Variants in XIRP2 observed in about 807,000 individuals in gnomAD.
The protein encoded by XIRP2 is xin actin binding repeat containing 2, also known as xin actin-binding repeat-containing protein 2.
A neutral mutation model predicts 277.0 loss-of-function variants in XIRP2; 236 were observed. The ratio of observed to expected loss-of-function variants is 0.85; its 90% CI spans 0.77 to 0.95. The LOEUF (loss-of-function observed/expected upper bound fraction) is 0.95. Ranked by LOEUF, XIRP2 falls within the 40% of genes least tolerant of loss-of-function variation. The probability of loss-of-function intolerance (pLI) is 0.00; values close to 1 mark genes in which losing one functional copy is unlikely to be tolerated. For synonymous variants in XIRP2, 1,490 were observed against 1,416.5 expected (o/e 1.05, Z -1.17); for missense variants, 4,640 against 4,157.5 (o/e 1.12, Z -3.19).
At position 167,244,003 on chromosome 2, in the gene XIRP2, G is replaced by T. The variant is rs934658445; in HGVS notation, c.2611G>T (p.Asp871Tyr). 26 of 1,613,900 alleles carry T rather than the reference G, an allele frequency of 1.6e-5. No individual in the cohort carries two copies. Among genetic ancestry groups the T allele is most frequent in the Admixed American group, 3.3e-5 (2 of 59,994 alleles). The change falls in exon 9 of 11, where the codon GAT (aspartate) becomes TAT (tyrosine). Residue 871 changes from aspartate (D) to tyrosine (Y), a missense_variant. Transcript: ENST00000409195. ...SLQREEIIGG[D>Y]VQTTKHLFET... is the part of the protein sequence containing the mutation. ...ACAACGTGAGGAGATAATAGGTGGTGATGTACAAACTACTAAGCATCTATT... is the reference window on the plus strand; with the variant it reads ...ACAACGTGAGGAGATAATAGGTGGTTATGTACAAACTACTAAGCATCTATT...
chr2:167,212,176 A>G (rs888948630), intron 4 of XIRP2, among the ~76,000 whole-genome samples: 4 of 152,242 alleles, frequency 2.6e-5, no homozygotes, highest in Non-Finnish European at 2.9e-5. Context: ...CAGAAGTGAC[A>G]TAAGTATCTA....
chr2:166,984,117 A>T (rs1686941023), intron 2 of XIRP2, among the ~76,000 whole-genome samples: 1 of 152,174 alleles, frequency 6.6e-6, no homozygotes, highest in African/African-American at 2.4e-5. Flanking sequence ...TACAATTCCC[A>T]TTCATTCATT....
At chr2:166,969,739 C>T (rs895986757) in intron 2 of XIRP2, among the ~76,000 whole-genome samples, 1 of 151,484 alleles carries the variant, frequency 6.6e-6, no homozygotes, top group East Asian at 1.9e-4. Context: ...TCATTATGCC[C>T]TTTCCTTTGG....
chr2:167,064,047 C>T (rs1389433382), intron 2 of XIRP2, among the ~76,000 whole-genome samples: 1 of 151,406 alleles, frequency 6.6e-6, no homozygotes, highest in African/African-American at 2.4e-5. Flanking sequence ...ATTTAAGATA[C>T]CTTTTATGTT....
chr2:167,253,951 A>T, intron 9 of XIRP2, 81 bp from the exon 10 acceptor site: 1 of 1,459,822 alleles, frequency 6.9e-7, no homozygotes, highest in South Asian at 1.4e-5. Flanking sequence ...TGGCCAGTTA[A>T]TATGTGTTTT....
chr2:167,019,711 C>T (rs116817869), intron 2 of XIRP2, among the ~76,000 whole-genome samples: 4,583 of 152,080 alleles, frequency 0.03, 80 homozygotes, highest in East Asian at 0.082. Context: ...TCAAGATTAA[C>T]TTAAAACATA....
At chr2:167,062,941 T>G (rs1008048474) in intron 2 of XIRP2, among the ~76,000 whole-genome samples, 2 of 151,986 alleles carry the variant, frequency 1.3e-5, no homozygotes, top group African/African-American at 4.8e-5. Context: ...TTTTTCATTT[T>G]ATTAATTTCT....
intron 3 of XIRP2, among the ~76,000 whole-genome samples, chr2:167,175,368 A>G (rs55844329): frequency 0.11 from 16,282 of 152,024 alleles, 1,827 homozygotes; most frequent in African/African-American, 0.29. Context: ...TCTGTTTGTT[A>G]GTTTTCCTTC....
At chr2:167,124,738 C>A (rs1382770326) in intron 2 of XIRP2, among the ~76,000 whole-genome samples, 2 of 152,082 alleles carry the variant, frequency 1.3e-5, no homozygotes, top group Admixed American at 1.3e-4. Context: ...GCTTCCTAAA[C>A]CAGGTGTCAC....
Position 167,254,063 on chromosome 2 carries a change from T to C in XIRP2, c.10587T>C (p.Tyr3529=), listed in dbSNP as rs897492869. The C allele has an allele frequency of 6.2e-7, 1 of 1,605,738 alleles. No individual in the cohort carries two copies. The highest frequency in any genetic ancestry group is 8.5e-7 in the Non-Finnish European group (1 of 1,175,824). The change falls in exon 10 of 11, where the codon TAT becomes TAC. Residue 3529 remains tyrosine, a synonymous_variant. Transcript: ENST00000409195. ...EAAAPRQGNM[Y]TLSKDSLSNG... ...CTGCTCCAAGACAAGGAAATATGTA[T>C]ACTTTGTCAAAAGACAGTTTATCCA...
At chr2:166,965,896 A>ATT (rs564484254) in intron 2 of XIRP2, among the ~76,000 whole-genome samples, 11 of 151,486 alleles carry the variant, frequency 7.3e-5, no homozygotes, top group African/African-American at 2.7e-4. Context: ...TCTAAGTTTG[A>ATT]TTTCTTTTTT....
intron 2 of XIRP2, among the ~76,000 whole-genome samples, chr2:167,125,566 T>C (rs1432174902): frequency 6.6e-6 from 1 of 152,164 alleles, no homozygotes; most frequent in Non-Finnish European, 1.5e-5. Flanking sequence ...GTTAAATCTG[T>C]TTAATAAAAA....
chr2:167,096,157 C>T (rs994330271), intron 2 of XIRP2, among the ~76,000 whole-genome samples: 9 of 151,736 alleles, frequency 5.9e-5, no homozygotes, highest in African/African-American at 1.7e-4. Context: ...GGTATAATTT[C>T]GCTGTGAATC....
intron 2 of XIRP2, among the ~76,000 whole-genome samples, chr2:166,923,802 G>C (rs1271982197): frequency 6.6e-6 from 1 of 152,140 alleles, no homozygotes; most frequent in East Asian, 1.9e-4. Context: ...TCTCCTGGGA[G>C]CATCTACATT....
intron 2 of XIRP2, among the ~76,000 whole-genome samples, chr2:166,937,537 G>T (rs1191174546): frequency 1.3e-5 from 2 of 152,158 alleles, no homozygotes; most frequent in Admixed American, 6.6e-5. Context: ...GTTCCTCAGG[G>T]ATATTGGTCT....
intron 2 of XIRP2, among the ~76,000 whole-genome samples, chr2:167,061,853 A>G (rs898919185): frequency 4.6e-5 from 7 of 152,048 alleles, no homozygotes; most frequent in South Asian, 2.1e-4. Flanking sequence ...GAGCCTGATG[A>G]CAACTTGTTT....
rs149757074 is a variant in XIRP2 at position 166,998,686 on chromosome 2, C to T, written c.408+94796C>T. 2.1e-3 allele frequency among the ~76,000 whole-genome samples: 322 copies of T among 152,214 alleles called. 4 individuals carry two copies. The highest frequency in any genetic ancestry group is 0.016 in the Admixed American group (241 of 15,274). On this transcript the variant is annotated intron_variant, in intron 2 of 10. Transcript: ENST00000409195. ...CAAAACTCAACTCAGAGTGAATGGTCATAACCTATGAAAAGAAAGATTAAG... is the reference window on the plus strand; with the variant it reads ...CAAAACTCAACTCAGAGTGAATGGTTATAACCTATGAAAAGAAAGATTAAG...
chr2:167,172,600 T>G (rs544347918), intron 3 of XIRP2, among the ~76,000 whole-genome samples: 508 of 152,310 alleles, frequency 3.3e-3, no homozygotes, highest in Non-Finnish European at 5.3e-3. Flanking sequence ...CTCAGGGCTG[T>G]TCCTTGCTGA....
At chr2:167,009,407 T>G (rs1238054148) in intron 2 of XIRP2, among the ~76,000 whole-genome samples, 1 of 152,036 alleles carries the variant, frequency 6.6e-6, no homozygotes, top group Non-Finnish European at 1.5e-5. Flanking sequence ...TCATTTTTTA[T>G]GGCTGCATAG....
Sources: allele counts gnomAD v4.1 joint callset (sites outside exome capture counted in the v4.1 genomes callset), GRCh38; gene constraint gnomAD v4.1.1; transcripts MANE v1.5; gene names NCBI Gene and HGNC (gene_info 2026-07-23, HGNC 2026-07-21).